NFASC: variants seen among roughly 807,000 people sequenced by gnomAD.
The protein encoded by NFASC is neurofascin, also known as neurofascin homolog.
A neutral mutation model predicts 147.5 loss-of-function variants in NFASC; 43 were observed. The observed-to-expected ratio is 0.29, with a 90% confidence interval of 0.23 to 0.38. The LOEUF is 0.38. Among genes scored for constraint, NFASC ranks in the 10% least tolerant of loss-of-function variants. The pLI, the probability that NFASC is intolerant of heterozygous loss-of-function variation, is 1.00. For missense variants in NFASC, 1,320 were observed against 1,689.0 expected, an observed-to-expected ratio of 0.78 and a Z score of 3.83; for synonymous variants, 622 against 665.5, an observed-to-expected ratio of 0.93 and a Z score of 1.01.
chr1:204,960,854 G>A (rs979329852), intron 8 of NFASC, among the ~76,000 whole-genome samples: 44 of 152,332 alleles, frequency 2.9e-4, no homozygotes, highest in South Asian at 8.3e-4. Context: ...CCCATCTTAA[G>A]AGAGAGTTCT....
chr1:204,884,185 G>A (rs1477996900), intron 1 of NFASC, among the ~76,000 whole-genome samples: 1 of 152,172 alleles, frequency 6.6e-6, no homozygotes, highest in African/African-American at 2.4e-5. Flanking sequence ...GGTGAGGGGT[G>A]TGTGTGGAAG....
At chr1:204,861,938 G>C (rs1184864896) in intron 1 of NFASC, among the ~76,000 whole-genome samples, 1 of 152,142 alleles carries the variant, frequency 6.6e-6, no homozygotes, top group Non-Finnish European at 1.5e-5. Flanking sequence ...TGACATGGGT[G>C]GACACAACAT....
chr1:205,016,738 G>A lies in NFASC; in HGVS notation c.*199G>A. On this transcript the variant is annotated 3_prime_UTR_variant, in exon 30 of 30. Transcript: ENST00000339876. The surrounding 1 kb of genome is among the most constrained non-coding windows in gnomAD (Gnocchi z 5.1). ...CCCAATGACCCCCCTTCAGCCCCGG[G>A]TGCCACCAGTGTGGGAGAGCTGGAG... is the stretch of plus-strand genomic sequence containing the variant. 1 of 647,544 alleles carries A rather than the reference G, an allele frequency of 1.5e-6. No individual in the cohort carries two copies. The highest frequency in any genetic ancestry group is 2.8e-6 in the Non-Finnish European group (1 of 352,956). 40.1% of individuals were successfully genotyped at this position (647,544 alleles called of 1,614,324 possible).
At chr1:204,885,242 C>A (rs2081087210) in intron 1 of NFASC, among the ~76,000 whole-genome samples, 1 of 152,078 alleles carries the variant, frequency 6.6e-6, no homozygotes, top group Admixed American at 6.5e-5. Flanking sequence ...TCTCCTCTCA[C>A]CCACCCATCA....
At position 204,991,222 on chromosome 1, in the gene NFASC, GCT is replaced by G. The variant is rs2095724973; in HGVS notation, c.2768-67_2768-66del. ...TTCCTTGTCCTGTGGTCTCACTTGTGCTCTGTTTTCTCTTCCCTTTTCCATCC... is the reference window on the plus strand; with the variant it reads ...TTCCTTGTCCTGTGGTCTCACTTGTGCTGTTTTCTCTTCCCTTTTCCATCC... On this transcript the variant is annotated intron_variant, in intron 23 of 29. Coordinates refer to ENST00000339876, the MANE Select transcript of NFASC (RefSeq NM_001005388.3). 2 of 1,549,110 alleles carry G rather than the reference GCT, an allele frequency of 1.3e-6. 1 individual carries two copies. The highest frequency in any genetic ancestry group is 3.4e-4 in the Middle Eastern group (2 of 5,954).
chr1:204,903,175 C>G (rs1177728869), intron 1 of NFASC, among the ~76,000 whole-genome samples: 1 of 152,192 alleles, frequency 6.6e-6, no homozygotes, highest in East Asian at 1.9e-4. Context: ...TCAGCACTTA[C>G]AAATGATGTA....
At chr1:204,860,058 A>G (rs2076526075) in intron 1 of NFASC, among the ~76,000 whole-genome samples, 1 of 152,138 alleles carries the variant, frequency 6.6e-6, no homozygotes, top group African/African-American at 2.4e-5. Flanking sequence ...GGCTGCCCTC[A>G]TGACAAGCAG....
chr1:204,944,468 GA>G, intron 3 of NFASC, 62 bp downstream of exon 3: 3 of 473,316 alleles, frequency 6.3e-6, no homozygotes, highest in Non-Finnish European at 1.2e-5. Context: ...GGTGGGAGGG[GA>G]GGGAAGGTCA....
intron 1 of NFASC, among the ~76,000 whole-genome samples, chr1:204,884,894 G>A (rs538850069): frequency 1.3e-5 from 2 of 152,156 alleles, no homozygotes; most frequent in Non-Finnish European, 2.9e-5. Flanking sequence ...TTACTAGAGA[G>A]AGAATCACAC....
intron 1 of NFASC, among the ~76,000 whole-genome samples, chr1:204,879,317 TTG>T (rs71850710): frequency 0.13 from 20,507 of 152,168 alleles, 2,620 homozygotes; most frequent in East Asian, 0.69. Context: ...AATGTGTACG[TTG>T]TGTCTCATAT....
intron 1 of NFASC, among the ~76,000 whole-genome samples, chr1:204,907,308 GTTGT>G (rs145729287): frequency 0.08 from 12,181 of 151,954 alleles, 611 homozygotes; most frequent in East Asian, 0.19. Context: ...TTTTTATTAG[GTTGT>G]TTGTTTTCTT....
intron 1 of NFASC, among the ~76,000 whole-genome samples, chr1:204,892,761 T>C (rs1418822180): frequency 6.6e-6 from 1 of 152,264 alleles, no homozygotes; most frequent in Non-Finnish European, 1.5e-5. Flanking sequence ...TGATTTCACC[T>C]GTTTCTTTTT....
At position 204,852,076 on chromosome 1, in the gene NFASC, G is replaced by A. The variant is rs139090093; in HGVS notation, c.-200+23294G>A. Among the ~76,000 whole-genome samples the A allele has an allele frequency of 4.6e-5, 7 of 152,278 alleles. No individual in the cohort carries two copies. The East Asian group carries it at 1.3e-3, about 29-fold the overall frequency. ...ACAGTCTTTAAGAGTCTACATAGCAGAACTAAAATCAGAGAGCAGCTTTCT... is the reference window on the plus strand; with the variant it reads ...ACAGTCTTTAAGAGTCTACATAGCAAAACTAAAATCAGAGAGCAGCTTTCT... On this transcript the variant is annotated intron_variant, in intron 1 of 29. Coordinates refer to ENST00000339876, the MANE Select transcript of NFASC (RefSeq NM_001005388.3).
intron 8 of NFASC, among the ~76,000 whole-genome samples, chr1:204,958,293 G>A (rs555782851): frequency 1.2e-4 from 19 of 152,264 alleles, no homozygotes; most frequent in African/African-American, 4.6e-4. Flanking sequence ...GAAACCCATA[G>A]CAGAAAATAT....
chr1:204,946,699 A>G (rs1331701851), intron 3 of NFASC: 3 of 518,342 alleles, frequency 5.8e-6, no homozygotes, highest in Non-Finnish European at 1.2e-5. Flanking sequence ...GGGCATTGGC[A>G]TTTCTGGCAA....
intron 1 of NFASC, among the ~76,000 whole-genome samples, chr1:204,874,115 G>A (rs550120615): frequency 2.0e-4 from 30 of 152,276 alleles, no homozygotes; most frequent in African/African-American, 7.2e-4. Context: ...GGAAGGAGGA[G>A]GCTCTCTCTG....
chr1:205,005,211 T>G (rs1200113125), intron 27 of NFASC, among the ~76,000 whole-genome samples: 3 of 152,236 alleles, frequency 2.0e-5, no homozygotes, highest in Non-Finnish European at 2.9e-5. Context: ...AGCCAAACTG[T>G]ATTTGGGGAA....
intron 12 of NFASC, among the ~76,000 whole-genome samples, chr1:204,973,910 G>A (rs1318347503): frequency 6.6e-6 from 1 of 152,216 alleles, no homozygotes; most frequent in Non-Finnish European, 1.5e-5. Flanking sequence ...CTGTGATGGG[G>A]CAGCTATGGA....
Position 204,960,184 on chromosome 1 carries a change from T to A in NFASC, c.706+2358T>A, listed in dbSNP as rs2094600991. On this transcript the variant is annotated intron_variant, in intron 8 of 29. Transcript: ENST00000339876. ...AGGGGCAGCTTCAAAGGCCCTATTCTCACCAGGCACTCCTGTCACAGTTTG... is the reference window on the plus strand; with the variant it reads ...AGGGGCAGCTTCAAAGGCCCTATTCACACCAGGCACTCCTGTCACAGTTTG... Among the ~76,000 whole-genome samples the A allele has an allele frequency of 2.6e-5, 4 of 152,218 alleles. No individual in the cohort carries two copies. The South Asian group carries it at 8.3e-4, about 32-fold the overall frequency.
Sources: gnomAD v4.1 joint callset for allele counts (sites outside exome capture counted in the v4.1 genomes callset) on GRCh38, gnomAD v4.1.1 for gene constraint, Gnocchi (gnomAD v3.1) non-coding constraint, MANE v1.5 for transcripts, NCBI Gene and HGNC (gene_info 2026-07-23, HGNC 2026-07-21) for gene names.